PACRG: variants seen among roughly 807,000 people sequenced by gnomAD.
PACRG encodes the protein parkin coregulated, also known as parkin coregulated gene protein.
In PACRG, 29 loss-of-function variants were observed where a neutral mutation model predicts 29.7. The observed-to-expected ratio is 0.98, with a 90% CI of 0.73 to 1.33. The LOEUF is 1.33. Among genes scored for constraint, PACRG ranks in the 40% most tolerant of loss-of-function variants. PACRG has a pLI of 0.00. For synonymous variants in PACRG, 116 were observed against 118.7 expected, an observed-to-expected ratio of 0.98 and a Z score of 0.15; for missense variants, 279 against 316.2, an observed-to-expected ratio of 0.88 and a Z score of 0.89.
intron 4 of PACRG, among the ~76,000 whole-genome samples, chr6:163,229,130 C>T (rs544067208): frequency 2.0e-5 from 3 of 152,252 alleles, no homozygotes; most frequent in Admixed American, 2.0e-4. Context: ...GAGGCTGAGG[C>T]AAGAGGATCA....
chr6:163,108,854 G>T (rs1019121461), intron 4 of PACRG, among the ~76,000 whole-genome samples: 1 of 152,156 alleles, frequency 6.6e-6, no homozygotes, highest in Non-Finnish European at 1.5e-5. Context: ...GGTCTGCCTT[G>T]TACCTGATCT....
At chr6:163,041,058 C>T (rs905173328) in intron 2 of PACRG, among the ~76,000 whole-genome samples, 1 of 152,114 alleles carries the variant, frequency 6.6e-6, no homozygotes, top group Admixed American at 6.5e-5. Context: ...CATACATCAG[C>T]CGGGTGCAGT....
chr6:163,051,175 T>A (rs1482097823), intron 2 of PACRG: 1 of 152,240 alleles, frequency 6.6e-6, no homozygotes, highest in Admixed American at 6.5e-5. Context: ...CTAAAAGTTA[T>A]ATTTTTTAAG....
At chr6:162,982,020 G>A (rs1036360920) in intron 2 of PACRG, among the ~76,000 whole-genome samples, 1 of 150,936 alleles carries the variant, frequency 6.6e-6, no homozygotes, top group African/African-American at 2.4e-5. Context: ...ATTTAATCTA[G>A]GAGGGTTGTA....
intron 2 of PACRG, among the ~76,000 whole-genome samples, chr6:162,901,390 A>G (rs555772740): frequency 1.3e-5 from 2 of 152,318 alleles, no homozygotes; most frequent in African/African-American, 4.8e-5. Context: ...GCTGCTTGTA[A>G]TAAGTGGCTT....
chr6:163,104,575 A>G (rs1469711734), intron 4 of PACRG, among the ~76,000 whole-genome samples: 1 of 152,214 alleles, frequency 6.6e-6, no homozygotes, highest in Admixed American at 6.5e-5. Context: ...AAGAGACCAG[A>G]GTCTCTGTGG....
At chr6:162,947,451 CATATATATAATCATATATAAT>C (rs1375871658) in intron 2 of PACRG, among the ~76,000 whole-genome samples, 6 of 26,484 alleles carry the variant, frequency 2.3e-4, no homozygotes, top group South Asian at 2.9e-3. Context: ...TATATATAAT[CATATATATAATCATATATAAT>C]ATATATATAA....
At chr6:163,045,876 A>G (rs913172077) in intron 2 of PACRG, among the ~76,000 whole-genome samples, 1 of 151,838 alleles carries the variant, frequency 6.6e-6, no homozygotes, top group Admixed American at 6.6e-5. Flanking sequence ...AGCCTCCCAA[A>G]CTGCTGGGAT....
chr6:162,795,233 G>T (rs1350858152), intron 1 of PACRG, among the ~76,000 whole-genome samples: 1 of 151,876 alleles, frequency 6.6e-6, no homozygotes, highest in African/African-American at 2.4e-5. Context: ...CAGAGAAGAG[G>T]GGTGGGGGGC....
In PACRG at chr6:163,100,979, A is replaced by G. The variant is rs540922992; in HGVS notation, c.613+11571A>G. On this transcript the variant is annotated intron_variant, in intron 4 of 4. Coordinates refer to ENST00000366888, the MANE Select transcript of PACRG (RefSeq NM_001080379.2). ...ACGTAATTATGACCAAGTTCTGTTCAGAGCCCTCGAAGATCAATTTACTTT... is the reference window on the plus strand; with the variant it reads ...ACGTAATTATGACCAAGTTCTGTTCGGAGCCCTCGAAGATCAATTTACTTT... The G allele has an allele frequency of 1.8e-4, 177 of 984,462 alleles. No individual in the cohort carries two copies. The African/African-American group carries it at 2.9e-3, about 16-fold the overall frequency. 61.0% of individuals were successfully genotyped at this position (984,462 alleles called of 1,614,324 possible).
At chr6:162,942,739 T>C (rs1798720864) in intron 2 of PACRG, among the ~76,000 whole-genome samples, 1 of 152,204 alleles carries the variant, frequency 6.6e-6, no homozygotes, top group South Asian at 2.1e-4. Flanking sequence ...TGGTTTTGGC[T>C]TCTGGCATGA....
intron 4 of PACRG, among the ~76,000 whole-genome samples, chr6:163,246,906 G>C (rs1200211111): frequency 6.6e-6 from 1 of 152,320 alleles, no homozygotes; most frequent in East Asian, 1.9e-4. Context: ...TGCTTTAACA[G>C]AATAAGACTT....
intron 4 of PACRG, among the ~76,000 whole-genome samples, chr6:163,295,124 A>G (rs1370722513): frequency 6.6e-6 from 1 of 152,258 alleles, no homozygotes; most frequent in African/African-American, 2.4e-5. Flanking sequence ...GTCAAACCAC[A>G]TGAAATTGAC....
intron 4 of PACRG, among the ~76,000 whole-genome samples, chr6:163,303,768 G>C (rs961953962): frequency 6.6e-6 from 1 of 152,002 alleles, no homozygotes; most frequent in South Asian, 2.1e-4. Context: ...CAGCACTTTG[G>C]GGGGCTGAGA....
intron 2 of PACRG, among the ~76,000 whole-genome samples, chr6:163,023,712 T>G (rs1806855818): frequency 6.6e-6 from 1 of 152,208 alleles, no homozygotes; most frequent in Non-Finnish European, 1.5e-5. Flanking sequence ...AAGTGTTCGC[T>G]TTTCTCTGCA....
At chr6:163,074,805 G>A (rs2128283237) in intron 3 of PACRG, among the ~76,000 whole-genome samples, 1 of 152,160 alleles carries the variant, frequency 6.6e-6, no homozygotes, top group Non-Finnish European at 1.5e-5. Flanking sequence ...GAATAACATT[G>A]ATAAATATTT....
chr6:163,223,352 C>T (rs1781662474), intron 4 of PACRG, among the ~76,000 whole-genome samples: 1 of 152,130 alleles, frequency 6.6e-6, no homozygotes, highest in African/African-American at 2.4e-5. Context: ...CGAGATTGCG[C>T]CGTTGCACTC....
chr6:163,095,522 C>A, intron 4 of PACRG: 1 of 825,162 alleles, frequency 1.2e-6, no homozygotes, highest in Non-Finnish European at 1.5e-6. Flanking sequence ...GTTCTGGAGG[C>A]TACGAGTTAA....
intron 1 of PACRG, among the ~76,000 whole-genome samples, chr6:162,749,622 G>A (rs1781365657): frequency 6.6e-6 from 1 of 152,124 alleles, no homozygotes; most frequent in South Asian, 2.1e-4. Context: ...CCGGGTTCAA[G>A]GGATTCTCCT....
Sources: gnomAD v4.1 joint callset for allele counts (sites outside exome capture counted in the v4.1 genomes callset) on GRCh38, gnomAD v4.1.1 for gene constraint, MANE v1.5 for transcripts, NCBI Gene and HGNC (gene_info 2026-07-23, HGNC 2026-07-21) for gene names.